Variants in REDIC1 observed in about 807,000 individuals in gnomAD.
The protein encoded by REDIC1 is regulator of DNA class I crossover intermediates 1.
At chr12:39,859,119 C>T in the REDIC1 span, among the ~76,000 whole-genome samples, 1 of 151,992 alleles carries the variant, frequency 6.6e-6, no homozygotes, top group South Asian at 2.1e-4. Flanking sequence ...CCAGTGTCAC[C>T]ACCATCTACA....
At chr12:39,840,018 T>C in the REDIC1 span, among the ~76,000 whole-genome samples, 1 of 152,012 alleles carries the variant, frequency 6.6e-6, no homozygotes, top group Admixed American at 6.6e-5. Flanking sequence ...TCCTGTACTC[T>C]CCATTCTTTT....
At chr12:39,795,965 T>C in the REDIC1 span, among the ~76,000 whole-genome samples, 1 of 152,134 alleles carries the variant, frequency 6.6e-6, no homozygotes, top group Non-Finnish European at 1.5e-5. Context: ...TGTGTAGCCA[T>C]CATCACTACC....
chr12:39,712,033 T>TATATATACCTACCTGTATGC, the REDIC1 span, among the ~76,000 whole-genome samples: 1 of 143,284 alleles, frequency 7.0e-6, no homozygotes, highest in Non-Finnish European at 1.5e-5. Flanking sequence ...TATATACATG[T>TATATATACCTACCTGTATGC]ATATATACCT....
chr12:39,694,370 C>G, the REDIC1 span, among the ~76,000 whole-genome samples: 1 of 152,092 alleles, frequency 6.6e-6, no homozygotes, highest in Non-Finnish European at 1.5e-5. Context: ...GAGTCACTGA[C>G]GCCACCCTTC....
At chr12:39,727,949 CTGTT>C in the REDIC1 span, among the ~76,000 whole-genome samples, 249 of 152,210 alleles carry the variant, frequency 1.6e-3, 2 homozygotes, top group African/African-American at 5.4e-3. Context: ...ATTTGACTCT[CTGTT>C]TGTCTATTAT....
At chr12:39,695,136 T>G in the REDIC1 span, among the ~76,000 whole-genome samples, 1 of 152,182 alleles carries the variant, frequency 6.6e-6, no homozygotes, top group Non-Finnish European at 1.5e-5. Flanking sequence ...GGTGAGACTC[T>G]GATACTTGGT....
At chr12:39,711,850 C>T in the REDIC1 span, among the ~76,000 whole-genome samples, 1 of 77,132 alleles carries the variant, frequency 1.3e-5, no homozygotes. Flanking sequence ...TATACACATG[C>T]ATGTGTATGT....
At chr12:39,669,270 C>G in the REDIC1 span, among the ~76,000 whole-genome samples, 1 of 152,184 alleles carries the variant, frequency 6.6e-6, no homozygotes, top group Non-Finnish European at 1.5e-5. Flanking sequence ...TTCCTTCTAA[C>G]AGTCAGGACC....
chr12:39,884,215 T>G, the REDIC1 span, among the ~76,000 whole-genome samples: 2 of 152,138 alleles, frequency 1.3e-5, no homozygotes, highest in Admixed American at 6.5e-5. Context: ...GCCACCCTTC[T>G]GCCTCAACCT....
At chr12:39,711,611 G>A in the REDIC1 span, among the ~76,000 whole-genome samples, 2 of 97,572 alleles carry the variant, frequency 2.0e-5, no homozygotes, top group African/African-American at 6.4e-5. Context: ...ACACATGCAT[G>A]TGTATGTGTA....
the REDIC1 span, among the ~76,000 whole-genome samples, chr12:39,737,715 C>G: frequency 6.6e-6 from 1 of 152,202 alleles, no homozygotes; most frequent in African/African-American, 2.4e-5. Flanking sequence ...ACTTCAAAGC[C>G]TATGCTCTAA....
chr12:39,745,990 T>A, the REDIC1 span: 1 of 152,680 alleles, frequency 6.5e-6, no homozygotes, highest in Non-Finnish European at 1.5e-5. Flanking sequence ...AGCTCCAGTC[T>A]ACAGCTCCCA....
the REDIC1 span, among the ~76,000 whole-genome samples, chr12:39,787,508 CTTTA>C: frequency 4.6e-5 from 7 of 152,052 alleles, no homozygotes; most frequent in Non-Finnish European, 8.8e-5. Context: ...CTTCAGTTCA[CTTTA>C]TTTATTTATC....
At chr12:39,893,970 G>GA in the REDIC1 span, among the ~76,000 whole-genome samples, 42 of 152,266 alleles carry the variant, frequency 2.8e-4, no homozygotes, top group Admixed American at 7.2e-4. Flanking sequence ...CACAGATGCT[G>GA]AAAAAATGGT....
chr12:39,800,689 G>A, the REDIC1 span, among the ~76,000 whole-genome samples: 7 of 15,136 alleles, frequency 4.6e-4, no homozygotes, highest in East Asian at 7.9e-3. Context: ...TCAGTGTGGC[G>A]ATTCCTCAGG....
the REDIC1 span, among the ~76,000 whole-genome samples, chr12:39,898,572 T>C: frequency 1.3e-5 from 2 of 152,142 alleles, no homozygotes; most frequent in African/African-American, 2.4e-5. Flanking sequence ...GGCTTGTCTT[T>C]AGGGACATTT....
chr12:39,714,422 TAC>T, the REDIC1 span, among the ~76,000 whole-genome samples: 2 of 151,518 alleles, frequency 1.3e-5, no homozygotes, highest in African/African-American at 2.4e-5. Context: ...TTTAGATATA[TAC>T]ACACACATAT....
At chr12:39,784,909 T>C in the REDIC1 span, among the ~76,000 whole-genome samples, 1 of 152,176 alleles carries the variant, frequency 6.6e-6, no homozygotes, top group Non-Finnish European at 1.5e-5. Context: ...TGATTTAGGG[T>C]ATCTGGTGGA....
At chr12:39,687,991 T>G in the REDIC1 span, among the ~76,000 whole-genome samples, 7 of 152,246 alleles carry the variant, frequency 4.6e-5, no homozygotes, top group Non-Finnish European at 1.0e-4. Flanking sequence ...CTTGATATTT[T>G]CAGCTATACT....
Sources: allele counts gnomAD v4.1 joint callset (sites outside exome capture counted in the v4.1 genomes callset), GRCh38; gene constraint gnomAD v4.1.1; transcripts MANE v1.5; gene names NCBI Gene and HGNC (gene_info 2026-07-23, HGNC 2026-07-21).